PTPRD: variants seen among roughly 807,000 people sequenced by gnomAD.
The protein encoded by PTPRD is protein tyrosine phosphatase receptor type D, also known as receptor-type tyrosine-protein phosphatase delta.
Under a neutral mutation model 214.5 loss-of-function variants are expected in PTPRD, and 34 were observed. The observed-to-expected ratio is 0.16, with a 90% CI of 0.12 to 0.21. PTPRD has a LOEUF of 0.21. Among genes scored for constraint, PTPRD ranks in the 10% least tolerant of loss-of-function variants. The pLI, the probability that PTPRD is intolerant of heterozygous loss-of-function variation, is 1.00. For missense variants in PTPRD, 2,545 were observed against 2,398.7 expected (o/e 1.06, Z -1.27); for synonymous variants, 1,128 against 845.7 (o/e 1.33, Z -5.79).
At chr9:8,619,855 C>T (rs571730532) in intron 14 of PTPRD, among the ~76,000 whole-genome samples, 1 of 152,116 alleles carries the variant, frequency 6.6e-6, no homozygotes, top group Non-Finnish European at 1.5e-5. Context: ...CGATTGTATC[C>T]TTTGCAAGAT....
chr9:9,981,596 G>C (rs1451648999), intron 4 of PTPRD, among the ~76,000 whole-genome samples: 1 of 151,916 alleles, frequency 6.6e-6, no homozygotes, highest in Non-Finnish European at 1.5e-5. Context: ...TCCTGACCTT[G>C]TGATCTGCCT....
At chr9:9,470,086 C>T (rs888056801) in intron 8 of PTPRD, among the ~76,000 whole-genome samples, 3 of 152,114 alleles carry the variant, frequency 2.0e-5, no homozygotes, top group Admixed American at 2.0e-4. Context: ...TTTGCAGAAG[C>T]TGTAATAAAG....
intron 3 of PTPRD, among the ~76,000 whole-genome samples, chr9:10,187,768 T>C (rs2099344841): frequency 6.6e-6 from 1 of 152,190 alleles, no homozygotes. Context: ...GAAATAACTA[T>C]TTGTAGCTGA....
intron 11 of PTPRD, among the ~76,000 whole-genome samples, chr9:8,777,250 TTATCATTTAAAC>T (rs1256616223): frequency 6.6e-6 from 1 of 152,088 alleles, no homozygotes; most frequent in Non-Finnish European, 1.5e-5. Context: ...AAAGAGTAAA[TTATCATTTAAAC>T]TTTTTTGTTA....
At chr9:8,601,767 G>C (rs1001934655) in intron 14 of PTPRD, among the ~76,000 whole-genome samples, 1 of 152,140 alleles carries the variant, frequency 6.6e-6, no homozygotes, top group Non-Finnish European at 1.5e-5. Flanking sequence ...GAATAGCATA[G>C]AATTCAAATG....
At chr9:10,070,609 C>A (rs1450012856) in intron 3 of PTPRD, among the ~76,000 whole-genome samples, 1 of 151,884 alleles carries the variant, frequency 6.6e-6, no homozygotes, top group African/African-American at 2.4e-5. Flanking sequence ...CATAAAATCA[C>A]ATTACTATAT....
intron 9 of PTPRD, among the ~76,000 whole-genome samples, chr9:9,364,002 T>C (rs993511439): frequency 1.3e-5 from 2 of 151,426 alleles, no homozygotes; most frequent in African/African-American, 2.4e-5. Flanking sequence ...AGTTGAAGGC[T>C]AATACCACTT....
chr9:8,847,359 A>C (rs997366476), intron 11 of PTPRD, among the ~76,000 whole-genome samples: 1 of 151,834 alleles, frequency 6.6e-6, no homozygotes, highest in Admixed American at 6.6e-5. Context: ...ACCTAACTAT[A>C]AAAAAAACCC....
At chr9:10,282,176 A>G (rs1409970589) in intron 3 of PTPRD, among the ~76,000 whole-genome samples, 3 of 152,182 alleles carry the variant, frequency 2.0e-5, no homozygotes, top group Non-Finnish European at 4.4e-5. Context: ...TAATAGCTCC[A>G]TGATATAGAG....
At chr9:9,950,130 A>T (rs2093298614) in intron 4 of PTPRD, among the ~76,000 whole-genome samples, 1 of 152,150 alleles carries the variant, frequency 6.6e-6, no homozygotes, top group Admixed American at 6.6e-5. Context: ...CCCAGCTGTC[A>T]CTGTGACAAC....
intron 11 of PTPRD, among the ~76,000 whole-genome samples, chr9:8,928,470 C>T (rs996105940): frequency 4.6e-5 from 7 of 152,090 alleles, no homozygotes; most frequent in African/African-American, 1.7e-4. Flanking sequence ...ATCCTTTCCC[C>T]ATTGCTTTTT....
intron 14 of PTPRD, among the ~76,000 whole-genome samples, chr9:8,533,328 A>T (rs939515187): frequency 1.3e-5 from 2 of 152,018 alleles, no homozygotes; most frequent in Non-Finnish European, 1.5e-5. Context: ...ACCCCAACTG[A>T]TTTAACGAAG....
chr9:10,139,588 A>G (rs1383214080), intron 3 of PTPRD, among the ~76,000 whole-genome samples: 1 of 152,192 alleles, frequency 6.6e-6, no homozygotes, highest in Non-Finnish European at 1.5e-5. Context: ...TCTTAAGCAA[A>G]CAAACAAACA....
intron 9 of PTPRD, among the ~76,000 whole-genome samples, chr9:9,328,986 C>A (rs16929161): frequency 6.6e-6 from 1 of 151,786 alleles, no homozygotes; most frequent in South Asian, 2.1e-4. Context: ...TTGAAGATTG[C>A]GTAAAAATTG....
At chr9:9,769,830 A>G (rs1358638039) in intron 5 of PTPRD, among the ~76,000 whole-genome samples, 1 of 151,356 alleles carries the variant, frequency 6.6e-6, no homozygotes, top group Non-Finnish European at 1.5e-5. Flanking sequence ...TCATTGTTCA[A>G]CTCCCACTTA....
chr9:10,144,530 T>A (rs1592290086), intron 3 of PTPRD, among the ~76,000 whole-genome samples: 2 of 152,140 alleles, frequency 1.3e-5, no homozygotes, highest in Admixed American at 6.6e-5. Flanking sequence ...TCAGTCCACT[T>A]TGACAAAGCA....
intron 3 of PTPRD, among the ~76,000 whole-genome samples, chr9:10,068,035 T>C (rs2097916018): frequency 6.6e-6 from 1 of 151,902 alleles, no homozygotes; most frequent in Non-Finnish European, 1.5e-5. Flanking sequence ...TCTGATACAA[T>C]CCTGAGTTCC....
intron 3 of PTPRD, among the ~76,000 whole-genome samples, chr9:10,279,695 A>G (rs1275194306): frequency 7.0e-6 from 1 of 142,570 alleles, no homozygotes; most frequent in Non-Finnish European, 1.5e-5. Context: ...TTATGAGCAT[A>G]CAGTGCAAAA....
At chr9:8,912,632 T>G (rs999906871) in intron 11 of PTPRD, among the ~76,000 whole-genome samples, 1 of 152,168 alleles carries the variant, frequency 6.6e-6, no homozygotes, top group Non-Finnish European at 1.5e-5. Context: ...GTATGTGAAT[T>G]ATACCCCTAT....
Sources: allele counts gnomAD v4.1 joint callset (sites outside exome capture counted in the v4.1 genomes callset), GRCh38; gene constraint gnomAD v4.1.1; transcripts MANE v1.5; gene names NCBI Gene and HGNC (gene_info 2026-07-23, HGNC 2026-07-21).